Variants in SLX4IP observed in about 807,000 individuals in gnomAD.
SLX4IP encodes SLX4 interacting protein.
In SLX4IP, 34 loss-of-function variants were observed where a neutral mutation model predicts 32.9. That is an observed-to-expected ratio of 1.03 (90% confidence interval 0.79 to 1.38). SLX4IP has a LOEUF of 1.38. Among genes scored for constraint, SLX4IP ranks in the 40% most tolerant of loss-of-function variants. The probability of loss-of-function intolerance (pLI) is 0.00; values close to 1 mark genes in which losing one functional copy is unlikely to be tolerated. For synonymous variants in SLX4IP, 172 were observed against 171.7 expected (o/e 1.00, Z -0.01); for missense variants, 444 against 479.0 (o/e 0.93, Z 0.68).
chr20:10,520,735 ATTCAG>A (rs1215589720), intron 2 of SLX4IP, among the ~76,000 whole-genome samples: 5 of 152,198 alleles, frequency 3.3e-5, no homozygotes, highest in African/African-American at 1.2e-4. Flanking sequence ...GCATGTGGTT[ATTCAG>A]TTGTCCCAAC....
intron 2 of SLX4IP, among the ~76,000 whole-genome samples, chr20:10,518,500 TCCTTCCTTC>T (rs2065876417): frequency 1.6e-5 from 1 of 62,512 alleles, no homozygotes; most frequent in Admixed American, 1.5e-4. Context: ...TTTCCTTCCT[TCCTTCCTTC>T]CTTCCTTCCT....
At chr20:10,456,417 C>T (rs541090294) in intron 1 of SLX4IP, among the ~76,000 whole-genome samples, 28 of 152,288 alleles carry the variant, frequency 1.8e-4, no homozygotes, top group African/African-American at 5.8e-4. Context: ...TTTTGGCTCA[C>T]TGCAACCTCT....
intron 2 of SLX4IP, among the ~76,000 whole-genome samples, chr20:10,511,931 A>T (rs977931327): frequency 6.6e-6 from 1 of 152,256 alleles, no homozygotes; most frequent in African/African-American, 2.4e-5. Flanking sequence ...ACTCATGCCT[A>T]TCATAAGAGA....
intron 2 of SLX4IP, among the ~76,000 whole-genome samples, chr20:10,542,363 A>G (rs938242451): frequency 6.6e-6 from 1 of 152,084 alleles, no homozygotes; most frequent in African/African-American, 2.4e-5. Flanking sequence ...CTGGTTCTCT[A>G]TCCCTTAAGG....
At chr20:10,592,622 C>CTTTTTTTTTTTTTTTT (rs33995611) in intron 4 of SLX4IP, among the ~76,000 whole-genome samples, 1 of 55,136 alleles carries the variant, frequency 1.8e-5, no homozygotes, top group East Asian at 7.5e-4. Context: ...TATTCTTCAT[C>CTTTTTTTTTTTTTTTT]TTTTTTTTTT....
intron 1 of SLX4IP, among the ~76,000 whole-genome samples, chr20:10,436,038 A>AT (rs5840375): frequency 0.38 from 57,457 of 151,438 alleles, 12,441 homozygotes; most frequent in Non-Finnish European, 0.49. Context: ...CCCCTGAACT[A>AT]TTTTTTTTTA....
chr20:10,475,822 G>A (rs1341910114), intron 2 of SLX4IP, among the ~76,000 whole-genome samples: 1 of 152,216 alleles, frequency 6.6e-6, no homozygotes, highest in Non-Finnish European at 1.5e-5. Flanking sequence ...CCTTGAGCAT[G>A]ACAGCTGTCA....
intron 4 of SLX4IP, among the ~76,000 whole-genome samples, chr20:10,594,661 T>TA: frequency 1.3e-5 from 2 of 152,316 alleles, no homozygotes; most frequent in Admixed American, 1.3e-4. Flanking sequence ...TTAAAACCAT[T>TA]ACTCATTGGA....
At chr20:10,614,056 C>T (rs998092370) in intron 6 of SLX4IP, 20 of 1,525,806 alleles carry the variant, frequency 1.3e-5, no homozygotes, top group East Asian at 9.1e-5. Context: ...CAGCGGGTGG[C>T]GTCCTCCTTG....
At chr20:10,609,632 C>A (rs890274854) in intron 6 of SLX4IP, among the ~76,000 whole-genome samples, 2 of 152,172 alleles carry the variant, frequency 1.3e-5, no homozygotes, top group Non-Finnish European at 2.9e-5. Flanking sequence ...TTCATGTTTA[C>A]CCACCTCTCT....
intron 2 of SLX4IP, among the ~76,000 whole-genome samples, chr20:10,549,209 T>A (rs2066194093): frequency 6.6e-6 from 1 of 152,234 alleles, no homozygotes; most frequent in South Asian, 2.1e-4. Context: ...CATCCTCTGC[T>A]GCATTCTTTT....
chr20:10,440,245 A>G (rs986244170), intron 1 of SLX4IP, among the ~76,000 whole-genome samples: 1 of 151,948 alleles, frequency 6.6e-6, no homozygotes, highest in African/African-American at 2.4e-5. Flanking sequence ...ACTTGAGATC[A>G]GGAGTTTGAG....
chr20:10,445,526 A>G (rs6077799), intron 1 of SLX4IP, among the ~76,000 whole-genome samples: 73,633 of 150,436 alleles, frequency 0.49, 19,379 homozygotes, highest in Non-Finnish European at 0.6. Flanking sequence ...CATGTTGGCC[A>G]TGCTGGTCTT....
chr20:10,511,042 A>G (rs2065803566), intron 2 of SLX4IP, among the ~76,000 whole-genome samples: 1 of 152,232 alleles, frequency 6.6e-6, no homozygotes, highest in South Asian at 2.1e-4. Context: ...TGACTTTATC[A>G]GAGAACCTGG....
intron 2 of SLX4IP, among the ~76,000 whole-genome samples, chr20:10,527,689 A>G (rs1329297649): frequency 2.0e-5 from 3 of 151,978 alleles, no homozygotes; most frequent in African/African-American, 7.3e-5. Flanking sequence ...GATTCATCTA[A>G]TAAGGAAGAA....
intron 2 of SLX4IP, among the ~76,000 whole-genome samples, chr20:10,495,274 A>T (rs1264084441): frequency 1.2e-4 from 19 of 152,062 alleles, no homozygotes; most frequent in Admixed American, 1.2e-3. Flanking sequence ...TTTTTTTAAG[A>T]TTGCATATTA....
At chr20:10,544,606 C>T (rs1234342699) in intron 2 of SLX4IP, among the ~76,000 whole-genome samples, 2 of 152,106 alleles carry the variant, frequency 1.3e-5, no homozygotes, top group African/African-American at 4.8e-5. Flanking sequence ...AGGCTAGACT[C>T]GAACTCCTGG....
At chr20:10,501,088 A>G (rs1234304353) in intron 2 of SLX4IP, among the ~76,000 whole-genome samples, 4 of 152,200 alleles carry the variant, frequency 2.6e-5, no homozygotes, top group Non-Finnish European at 2.9e-5. Context: ...CAGGAATTAC[A>G]CCTGAAAATA....
At chr20:10,575,902 CA>C (rs2066518257) in intron 4 of SLX4IP, among the ~76,000 whole-genome samples, 1 of 152,056 alleles carries the variant, frequency 6.6e-6, no homozygotes, top group Admixed American at 6.5e-5. Flanking sequence ...GACTAAATAT[CA>C]GTAAGAGCCC....
Sources: gnomAD v4.1 joint callset for allele counts (sites outside exome capture counted in the v4.1 genomes callset) on GRCh38, gnomAD v4.1.1 for gene constraint, MANE v1.5 for transcripts, NCBI Gene and HGNC (gene_info 2026-07-23, HGNC 2026-07-21) for gene names.